PRKN: variants seen among roughly 807,000 people sequenced by gnomAD.
PRKN encodes parkin RBR E3 ubiquitin protein ligase.
A neutral mutation model predicts 59.5 loss-of-function variants in PRKN; 56 were observed. The observed-to-expected ratio is 0.94, with a 90% CI of 0.76 to 1.18. PRKN has a LOEUF of 1.18. Among genes scored for constraint, PRKN ranks in the 50% most tolerant of loss-of-function variants. The pLI, the probability that PRKN is intolerant of heterozygous loss-of-function variation, is 0.00. For missense variants in PRKN, 657 were observed against 596.4 expected, an observed-to-expected ratio of 1.10 and a Z score of -1.06; for synonymous variants, 250 against 222.1, an observed-to-expected ratio of 1.13 and a Z score of -1.12.
chr6:162,021,461 A>ATATT (rs59250759), intron 5 of PRKN, among the ~76,000 whole-genome samples: 4 of 24,664 alleles, frequency 1.6e-4, no homozygotes, highest in African/African-American at 2.7e-4. Context: ...ATATATATAT[A>ATATT]TTTTTTTTTT....
At chr6:161,913,203 T>C (rs924478744) in intron 6 of PRKN, among the ~76,000 whole-genome samples, 3 of 141,592 alleles carry the variant, frequency 2.1e-5, no homozygotes, top group African/African-American at 7.8e-5. Context: ...CATGGGATAA[T>C]GTATAATGTG....
chr6:161,692,789 C>T (rs888804463), intron 7 of PRKN, among the ~76,000 whole-genome samples: 39 of 151,688 alleles, frequency 2.6e-4, no homozygotes, highest in African/African-American at 9.4e-4. Flanking sequence ...AAACCAACCC[C>T]CCCACAAAAA....
chr6:162,320,472 T>C (rs537564427), intron 2 of PRKN, among the ~76,000 whole-genome samples: 2 of 32,250 alleles, frequency 6.2e-5, no homozygotes, highest in Admixed American at 2.6e-4. Flanking sequence ...AAAAAAAAAA[T>C]ATATGAAAAG....
At chr6:162,272,649 T>A (rs1335330468) in intron 2 of PRKN, among the ~76,000 whole-genome samples, 1 of 152,000 alleles carries the variant, frequency 6.6e-6, no homozygotes, top group Non-Finnish European at 1.5e-5. Context: ...ATCATATACC[T>A]CCGCGATTGC....
intron 1 of PRKN, among the ~76,000 whole-genome samples, chr6:162,542,120 C>T (rs910212808): frequency 3.9e-5 from 6 of 152,158 alleles, no homozygotes; most frequent in Non-Finnish European, 8.8e-5. Context: ...ACAGGGATTA[C>T]AGGTGCAAAG....
At chr6:161,893,260 C>T (rs1383079276) in intron 6 of PRKN, among the ~76,000 whole-genome samples, 2 of 152,114 alleles carry the variant, frequency 1.3e-5, no homozygotes, top group East Asian at 3.9e-4. Context: ...ATAATCCCAG[C>T]CATCAGGATT....
chr6:161,799,628 G>A (rs1234557217), intron 6 of PRKN, among the ~76,000 whole-genome samples: 1 of 152,216 alleles, frequency 6.6e-6, no homozygotes, highest in Non-Finnish European at 1.5e-5. Context: ...TGCCTACTAT[G>A]GGCCAGGCAC....
chr6:162,431,541 G>A (rs1278277588), intron 2 of PRKN, among the ~76,000 whole-genome samples: 1 of 151,810 alleles, frequency 6.6e-6, no homozygotes, highest in East Asian at 1.9e-4. Flanking sequence ...CTGGGCTACA[G>A]AGCAAGACTC....
At chr6:161,869,210 G>T (rs1452815539) in intron 6 of PRKN, among the ~76,000 whole-genome samples, 1 of 151,960 alleles carries the variant, frequency 6.6e-6, no homozygotes, top group Non-Finnish European at 1.5e-5. Flanking sequence ...GAAACCCCAT[G>T]TCTGCTAAAA....
At chr6:161,796,423 T>C (rs908797400) in intron 6 of PRKN, among the ~76,000 whole-genome samples, 1 of 152,090 alleles carries the variant, frequency 6.6e-6, no homozygotes, top group Non-Finnish European at 1.5e-5. Flanking sequence ...AATGATTTGG[T>C]TTACCCTAGC....
chr6:162,050,242 A>G (rs1410417300), intron 5 of PRKN, among the ~76,000 whole-genome samples: 1 of 152,128 alleles, frequency 6.6e-6, no homozygotes, highest in Non-Finnish European at 1.5e-5. Flanking sequence ...CTGGATTATT[A>G]CTTTCCATTC....
intron 7 of PRKN, among the ~76,000 whole-genome samples, chr6:161,784,699 C>A (rs3019436): frequency 0.81 from 123,417 of 152,132 alleles, 52,303 homozygotes; most frequent in East Asian, 0.95. Context: ...GGTACAGCAG[C>A]TGTGGAACAC....
At chr6:162,323,795 C>T (rs565702421) in intron 2 of PRKN, among the ~76,000 whole-genome samples, 13 of 152,034 alleles carry the variant, frequency 8.6e-5, no homozygotes, top group African/African-American at 2.2e-4. Flanking sequence ...TCCCATGCAC[C>T]GCTTCTGGGA....
intron 1 of PRKN, among the ~76,000 whole-genome samples, chr6:162,578,822 C>CA (rs1331694804): frequency 2.0e-5 from 3 of 151,924 alleles, no homozygotes; most frequent in Non-Finnish European, 4.4e-5. Context: ...ATTTTATCTT[C>CA]AAAAAAATCC....
chr6:161,485,879 T>C (rs1484434958), intron 9 of PRKN, among the ~76,000 whole-genome samples: 3 of 152,010 alleles, frequency 2.0e-5, no homozygotes, highest in South Asian at 4.1e-4. Flanking sequence ...CAGTTAAAGA[T>C]GGAAACACTG....
At chr6:161,496,510 C>A (rs1266949705) in intron 9 of PRKN, among the ~76,000 whole-genome samples, 1 of 152,338 alleles carries the variant, frequency 6.6e-6, no homozygotes, top group East Asian at 1.9e-4. Flanking sequence ...AAAGGCACGT[C>A]TTACGTGGTG....
intron 1 of PRKN, among the ~76,000 whole-genome samples, chr6:162,513,818 C>T (rs1367347975): frequency 6.6e-6 from 1 of 152,126 alleles, no homozygotes; most frequent in Admixed American, 6.5e-5. Context: ...CTTTGGGAGG[C>T]TGAGGCAGGT....
In PRKN at chr6:162,201,003, C is replaced by T. The variant is rs1784706333; in HGVS notation, c.534+128G>A. Reference sequence around the variant, plus strand: ...CGAAACTTCGGCTATCATTAACTATCACAACCACAGAAGAGAATGTCTTTT... The same window carrying T: ...CGAAACTTCGGCTATCATTAACTATTACAACCACAGAAGAGAATGTCTTTT... On this transcript the variant is annotated intron_variant, in intron 4 of 11. Coordinates refer to ENST00000366898, the MANE Select transcript of PRKN (RefSeq NM_004562.3). The T allele has an allele frequency of 6.5e-6, 7 of 1,078,348 alleles. No individual in the cohort carries two copies. The Admixed American group carries it at 1.3e-4, about 20-fold the overall frequency. The allele number at this position is 1,078,348 out of a possible 1,614,324, so 66.8% of individuals were successfully genotyped here. A position where few individuals can be genotyped will look rare whatever the true frequency, so the allele number is the denominator to read the frequency against.
rs1310207239 is a variant in PRKN at position 161,733,520 on chromosome 6, C to T, written c.871+52252G>A. Among the ~76,000 whole-genome samples, 3 of 152,016 alleles carry T rather than the reference C, an allele frequency of 2.0e-5. No individual in the cohort carries two copies. The East Asian group carries it at 5.8e-4, about 29-fold the overall frequency. On this transcript the variant is annotated intron_variant, in intron 7 of 11. Transcript: ENST00000366898. Reference sequence around the variant, plus strand: ...GTAAACTTTGGGAGTGATTACCAAACCACCTAGGAGATAAAACTCCCTTAG... The same window carrying T: ...GTAAACTTTGGGAGTGATTACCAAATCACCTAGGAGATAAAACTCCCTTAG...
Sources: allele counts gnomAD v4.1 joint callset (sites outside exome capture counted in the v4.1 genomes callset), GRCh38; gene constraint gnomAD v4.1.1; transcripts MANE v1.5; gene names NCBI Gene and HGNC (gene_info 2026-07-23, HGNC 2026-07-21).